The following MRC1 variants were observed in gnomAD, a reference collection of about 807,000 sequenced individuals.
MRC1 encodes the protein mannose receptor C-type 1.
MRC1 carries 62 observed loss-of-function variants against 102.9 expected under a neutral mutation model. The ratio of observed to expected loss-of-function variants is 0.60; its 90% CI spans 0.49 to 0.74. The LOEUF is 0.74. Ranked by LOEUF, MRC1 falls within the 30% of genes least tolerant of loss-of-function variation. MRC1 has a pLI of 0.00. For synonymous variants in MRC1, 457 were observed against 298.4 expected (o/e 1.53, Z -5.48); for missense variants, 1,237 against 862.8 (o/e 1.43, Z -5.43).
rs894800747 is a variant in MRC1 at position 17,873,959 on chromosome 10, A to C, written c.2386+134A>C. 5.7e-5 allele frequency: 40 copies of C among 705,964 alleles called. No individual in the cohort carries two copies. In the African/African-American group the frequency reaches 6.4e-4, roughly 11 times the overall value. 43.7% of individuals were successfully genotyped at this position (705,964 alleles called of 1,614,324 possible). On this transcript the variant is annotated intron_variant, in intron 16 of 29. Coordinates refer to ENST00000569591, the MANE Select transcript of MRC1 (RefSeq NM_002438.4). ...TTAATAACCTTTGAGTGAGAACGTC[A>C]TGGAAATTTGGGTCTTCCTCTCCAG...
chr10:17,881,287 A>T (rs1833512726), intron 21 of MRC1, 106 bp downstream of exon 21: 1 of 718,828 alleles, frequency 1.4e-6, no homozygotes, highest in Non-Finnish European at 2.5e-6. Flanking sequence ...TTCCAGTGTA[A>T]AAGCTAAAAA....
chr10:17,886,141 A>G (rs1221561399), intron 22 of MRC1, among the ~76,000 whole-genome samples: 1 of 152,184 alleles, frequency 6.6e-6, no homozygotes, highest in Non-Finnish European at 1.5e-5. Context: ...TAAACACTGT[A>G]GCAGCTAAGA....
Position 17,833,790 on chromosome 10 carries a change from C to A in MRC1, c.753C>A (p.Asn251Lys), listed in dbSNP as rs138394788. ...CGAGGAAAAGCTGCCAACAACAGAA[C>A]GCTGAGCTCCTGAGCATCACAGAGA... is the stretch of plus-strand genomic sequence containing the variant. ...HQARKSCQQQNAELLSITEIH... is the reference protein window; with the variant it reads ...HQARKSCQQQKAELLSITEIH... The change falls in exon 4 of 30, where the codon AAC becomes AAA. Residue 251 changes from asparagine (N) to lysine (K), a missense_variant. Asn to Lys is a moderately conservative substitution (Grantham distance 94). Transcript: ENST00000569591. The A allele has an allele frequency of 2.6e-6, 2 of 781,090 alleles. No homozygotes were observed. Among genetic ancestry groups the A allele is most frequent in the Non-Finnish European group, 4.8e-6 (2 of 418,128 alleles). 48.4% of individuals were successfully genotyped at this position (781,090 alleles called of 1,614,324 possible). A position where few individuals can be genotyped will look rare whatever the true frequency, so the allele number is the denominator to read the frequency against.
chr10:17,883,039 GC>G (rs1353020477), intron 21 of MRC1, among the ~76,000 whole-genome samples: 1 of 152,190 alleles, frequency 6.6e-6, no homozygotes, highest in Non-Finnish European at 1.5e-5. Context: ...GGCAGGTAGA[GC>G]TTTTCCATGT....
intron 4 of MRC1, among the ~76,000 whole-genome samples, chr10:17,840,132 G>C (rs12775023): frequency 2.2e-5 from 3 of 133,648 alleles, no homozygotes; most frequent in Non-Finnish European, 4.5e-5. Flanking sequence ...GCTGAGGTCC[G>C]TGTTGTTTCT....
chr10:17,910,261 C>T lies in MRC1; in HGVS notation c.4167C>T (p.Ala1389=), dbSNP rs931063620. The change falls in exon 30 of 30, where the codon GCC becomes GCT. Residue 1389 remains alanine (A), a synonymous_variant. Coordinates refer to ENST00000569591, the MANE Select transcript of MRC1 (RefSeq NM_002438.4). ...CTTCTAAACCGTCTTCCAACGTGGCCGGAGTAGTCATCATTGTGATCCTCC... is the reference window on the plus strand; with the variant it reads ...CTTCTAAACCGTCTTCCAACGTGGCTGGAGTAGTCATCATTGTGATCCTCC... ...MDPSKPSSNV[A]GVVIIVILLI... is the part of the protein sequence containing the mutation. 10 of 780,698 alleles carry T rather than the reference C, an allele frequency of 1.3e-5. No homozygotes were observed. The highest frequency in any genetic ancestry group is 8.5e-5 in the African/African-American group (5 of 59,130). The allele number at this position is 780,698 out of a possible 1,614,324, so 48.4% of individuals were successfully genotyped here. A position where few individuals can be genotyped will look rare whatever the true frequency, so the allele number is the denominator to read the frequency against.
chr10:17,856,187 A>AAAAG, intron 8 of MRC1, 55 bp from the exon 9 acceptor site: 2 of 756,722 alleles, frequency 2.6e-6, no homozygotes, highest in East Asian at 2.7e-5. Flanking sequence ...AAAAAAAAAA[A>AAAAG]AAGGTCCCCA....
In MRC1 at chr10:17,832,328, G is replaced by T. The variant is rs1054931474; in HGVS notation, c.638-1347G>T. 1.0e-3 allele frequency among the ~76,000 whole-genome samples: 154 copies of T among 151,064 alleles called. No individual in the cohort carries two copies. The Middle Eastern group carries it at 0.014, about 13-fold the overall frequency. The stretch of plus-strand genomic sequence containing the variant: ...TTTATTCACTTTGGGAAGCCGAGGC[G>T]GGTGGATCACAAGGTCAGGAGATCG... On this transcript the variant is annotated intron_variant, in intron 3 of 29. Coordinates refer to ENST00000569591, the MANE Select transcript of MRC1 (RefSeq NM_002438.4).
intron 22 of MRC1, among the ~76,000 whole-genome samples, chr10:17,887,397 AAAC>A (rs1243335551): frequency 2.6e-5 from 4 of 152,016 alleles, no homozygotes; most frequent in African/African-American, 9.7e-5. Context: ...CCTCAAAACA[AAAC>A]AAAACAAAAC....
rs1336407911 is a variant in MRC1 at position 17,813,660 on chromosome 10, T to TACACAC, written c.61+4135_61+4136insCACACA. On this transcript the variant is annotated intron_variant, in intron 1 of 29. Coordinates refer to ENST00000569591, the MANE Select transcript of MRC1 (RefSeq NM_002438.4). ...ATATATAAATATATACATATATATA[T>TACACAC]ATACACACACACACACACACATTAT... is the stretch of plus-strand genomic sequence containing the variant. Among the ~76,000 whole-genome samples the TACACAC allele has an allele frequency of 4.6e-3, 560 of 122,458 alleles. 1 individual carries two copies. Among genetic ancestry groups the TACACAC allele is most frequent in the Admixed American group, 8.5e-3 (99 of 11,646 alleles). 80.3% of individuals were successfully genotyped at this position (122,458 alleles called of 152,430 possible).
intron 21 of MRC1, among the ~76,000 whole-genome samples, chr10:17,883,000 T>C (rs1833540348): frequency 6.6e-6 from 1 of 152,202 alleles, no homozygotes. Context: ...CTTATTGTGG[T>C]TGTAGGCAGA....
At chr10:17,841,824 A>G (rs1285685118) in intron 5 of MRC1, among the ~76,000 whole-genome samples, 1 of 150,412 alleles carries the variant, frequency 6.6e-6, no homozygotes, top group Non-Finnish European at 1.5e-5. Flanking sequence ...GAAGTATCAT[A>G]TTGGTCACAT....
rs571291486 is a variant in MRC1 at position 17,849,619 on chromosome 10, G to A, written c.1104G>A (p.Pro368=). The part of the protein sequence containing the change: ...VPTHCPSQWW[P]YAGHCYKIHR... ...CTCACTGTCCTAGTCAGTGGTGGCC[G>A]TATGCCGGTCACTGTTACAAGATTC... The change falls in exon 7 of 30, where the codon CCG becomes CCA. Residue 368 remains proline, a synonymous_variant. Coordinates refer to ENST00000569591, the MANE Select transcript of MRC1 (RefSeq NM_002438.4). 37 of 780,802 alleles carry A rather than the reference G, an allele frequency of 4.7e-5. 1 individual carries two copies. The highest frequency in any genetic ancestry group is 4.5e-4 in the Middle Eastern group (2 of 4,442). 48.4% of individuals were successfully genotyped at this position (780,802 alleles called of 1,614,324 possible). A position where few individuals can be genotyped will look rare whatever the true frequency, so the allele number is the denominator to read the frequency against.
chr10:17,907,336 A>G (rs1159030836), intron 27 of MRC1, among the ~76,000 whole-genome samples, 198 bp from the exon 28 acceptor site: 1 of 152,344 alleles, frequency 6.6e-6, no homozygotes, highest in African/African-American at 2.4e-5. Flanking sequence ...AACTAAAGCT[A>G]TACGGTAAAC....
At chr10:17,857,135 C>G (rs1376575274) in intron 9 of MRC1, among the ~76,000 whole-genome samples, 1 of 151,972 alleles carries the variant, frequency 6.6e-6, no homozygotes, top group Non-Finnish European at 1.5e-5. Context: ...AAAAATAAAC[C>G]ATAAAGAAAT....
intron 23 of MRC1, among the ~76,000 whole-genome samples, chr10:17,895,436 A>G (rs1833741308): frequency 6.6e-6 from 1 of 151,906 alleles, no homozygotes; most frequent in Non-Finnish European, 1.5e-5. Flanking sequence ...AATTTGGGAT[A>G]TTTGCTTACC....
chr10:17,856,401 A>C, intron 9 of MRC1, 49 bp downstream of exon 9: 2 of 812,654 alleles, frequency 2.5e-6, no homozygotes, highest in Non-Finnish European at 4.3e-6. Context: ...GTATGAGTTG[A>C]TACCGTTGGC....
intron 12 of MRC1, among the ~76,000 whole-genome samples, chr10:17,867,333 T>TTCC (rs1185755286): frequency 1.8e-3 from 257 of 146,102 alleles, no homozygotes; most frequent in African/African-American, 6.3e-3. Flanking sequence ...CTTCTTCTTC[T>TTCC]TCCTCCTCCT....
At chr10:17,883,703 ATG>A (rs1833550326) in intron 21 of MRC1, among the ~76,000 whole-genome samples, 2 of 152,138 alleles carry the variant, frequency 1.3e-5, no homozygotes, top group Non-Finnish European at 2.9e-5. Flanking sequence ...TGTTCAGCAG[ATG>A]TGTTTAAGTG....
Sources: gnomAD v4.1 joint callset for allele counts (sites outside exome capture counted in the v4.1 genomes callset) on GRCh38, gnomAD v4.1.1 for gene constraint, MANE v1.5 for transcripts, NCBI Gene and HGNC (gene_info 2026-07-23, HGNC 2026-07-21) for gene names.